FER: variants seen among roughly 807,000 people sequenced by gnomAD.
The protein encoded by FER is tyrosine-protein kinase Fer.
A neutral mutation model predicts 111.0 loss-of-function variants in FER; 63 were observed. The ratio of observed to expected loss-of-function variants is 0.57; its 90% CI spans 0.46 to 0.70. FER has a LOEUF of 0.70. FER is among the 30% of genes least tolerant of loss of function. The pLI, the probability that FER is intolerant of heterozygous loss-of-function variation, is 0.00. For missense variants in FER, 914 were observed against 954.0 expected, an observed-to-expected ratio of 0.96 and a Z score of 0.55; for synonymous variants, 327 against 313.9, an observed-to-expected ratio of 1.04 and a Z score of -0.44.
intron 9 of FER, among the ~76,000 whole-genome samples, chr5:108,889,119 G>A (rs1000712710): frequency 6.6e-6 from 1 of 151,814 alleles, no homozygotes; most frequent in African/African-American, 2.4e-5. Context: ...CCTGAACTCA[G>A]TTAGTGTAAC....
chr5:108,846,218 T>C (rs937690720), intron 5 of FER, among the ~76,000 whole-genome samples: 5 of 152,192 alleles, frequency 3.3e-5, no homozygotes, highest in Non-Finnish European at 5.9e-5. Context: ...TGGATCTGCT[T>C]GTTTTTATTT....
chr5:108,969,170 A>G (rs1391518542), intron 13 of FER, among the ~76,000 whole-genome samples: 2 of 152,192 alleles, frequency 1.3e-5, no homozygotes, highest in African/African-American at 4.8e-5. Flanking sequence ...TGATTCAGCA[A>G]TAACACTTTT....
intron 9 of FER, among the ~76,000 whole-genome samples, chr5:108,884,151 G>T (rs913445812): frequency 6.6e-6 from 1 of 151,962 alleles, no homozygotes; most frequent in Non-Finnish European, 1.5e-5. Context: ...GTGGGTGCTG[G>T]TGTGGTTTTT....
chr5:108,792,623 C>T (rs916807017), intron 2 of FER, among the ~76,000 whole-genome samples: 2 of 151,986 alleles, frequency 1.3e-5, no homozygotes, highest in Non-Finnish European at 2.9e-5. Context: ...AGGTGTGAGC[C>T]ACTGCACCTG....
chr5:108,821,931 G>A (rs970276420), intron 3 of FER, among the ~76,000 whole-genome samples: 2 of 151,950 alleles, frequency 1.3e-5, no homozygotes, highest in Admixed American at 6.6e-5. Context: ...AGTTATCATG[G>A]TGTACATTAG....
At chr5:108,836,724 G>C (rs1760701678) in intron 5 of FER, among the ~76,000 whole-genome samples, 1 of 152,034 alleles carries the variant, frequency 6.6e-6, no homozygotes. Context: ...TGAAAATATT[G>C]TTGTTATTCC....
Position 108,950,752 on chromosome 5 carries a change from TA to T in FER, c.1330-3970del, listed in dbSNP as rs1425003974. Among the ~76,000 whole-genome samples, 5 of 152,180 alleles carry T rather than the reference TA, an allele frequency of 3.3e-5. No homozygotes were observed. In the South Asian group the frequency reaches 6.2e-4, roughly 19 times the overall value. On this transcript the variant is annotated intron_variant, in intron 11 of 19. Coordinates refer to ENST00000281092, the MANE Select transcript of FER (RefSeq NM_005246.4). ...TAAACATTTAGTATATCTGTACAAA[TA>T]AAAAAATTATGTTCAACTATCAAAC...
At chr5:109,015,908 C>A (rs946326718) in intron 13 of FER, among the ~76,000 whole-genome samples, 1 of 151,948 alleles carries the variant, frequency 6.6e-6, no homozygotes, top group African/African-American at 2.4e-5. Context: ...AATGTTTGAA[C>A]CACTATGTCA....
intron 13 of FER, among the ~76,000 whole-genome samples, chr5:109,028,988 C>G (rs922577425): frequency 1.3e-5 from 2 of 152,140 alleles, no homozygotes; most frequent in Admixed American, 6.5e-5. Flanking sequence ...ATGCTAACAA[C>G]CTAGTTCTTC....
intron 17 of FER, among the ~76,000 whole-genome samples, chr5:109,123,733 T>G (rs779488395): frequency 3.3e-5 from 5 of 152,208 alleles, no homozygotes; most frequent in African/African-American, 1.2e-4. Flanking sequence ...TCTTCTTATA[T>G]TATCGATCAG....
At chr5:108,998,996 A>G (rs1286176623) in intron 13 of FER, among the ~76,000 whole-genome samples, 1 of 152,226 alleles carries the variant, frequency 6.6e-6, no homozygotes, top group Non-Finnish European at 1.5e-5. Context: ...ACATGAAAAA[A>G]TACAGAGACT....
intron 17 of FER, among the ~76,000 whole-genome samples, chr5:109,141,508 T>C (rs1280098302): frequency 6.6e-6 from 1 of 152,192 alleles, no homozygotes; most frequent in East Asian, 1.9e-4. Context: ...CACAGATAGA[T>C]GTAGTAACAA....
intron 13 of FER, among the ~76,000 whole-genome samples, chr5:108,977,762 C>G (rs908709686): frequency 6.6e-6 from 1 of 152,182 alleles, no homozygotes; most frequent in African/African-American, 2.4e-5. Flanking sequence ...AGATTTGTTA[C>G]CTGCTCTATT....
At chr5:108,824,636 A>G (rs1373417930) in intron 3 of FER, among the ~76,000 whole-genome samples, 2 of 151,996 alleles carry the variant, frequency 1.3e-5, no homozygotes, top group African/African-American at 4.8e-5. Context: ...TTGTTTTTAT[A>G]CTCCTGGCAG....
At position 109,067,424 on chromosome 5, in the gene FER, A is replaced by G. The variant is rs559017094; in HGVS notation, c.1924+20226A>G. On this transcript the variant is annotated intron_variant, in intron 16 of 19. Coordinates refer to ENST00000281092, the MANE Select transcript of FER (RefSeq NM_005246.4). ...TTATTGTTGTTATTTTTGTTTGTTT[A>G]GTTCTGTTTTTATCCTTCCAGAGCT... 6.6e-5 allele frequency among the ~76,000 whole-genome samples: 10 copies of G among 152,050 alleles called. No homozygotes were observed. The South Asian group carries it at 1.9e-3, about 28-fold the overall frequency.
chr5:109,099,199 A>G (rs1382800715), intron 16 of FER, among the ~76,000 whole-genome samples: 2 of 151,592 alleles, frequency 1.3e-5, no homozygotes, highest in Admixed American at 6.6e-5. Context: ...AATAAACTAT[A>G]AAGTAACTAA....
chr5:109,045,258 T>C (rs575012623), intron 15 of FER, among the ~76,000 whole-genome samples: 1 of 149,044 alleles, frequency 6.7e-6, no homozygotes, highest in East Asian at 1.9e-4. Flanking sequence ...AACTTACATA[T>C]ACATTTAAGT....
At chr5:109,051,388 A>G (rs1298319857) in intron 16 of FER, 6 of 1,612,596 alleles carry the variant, frequency 3.7e-6, no homozygotes, top group East Asian at 2.2e-5. Context: ...CTGGTCCACA[A>G]TGGCTAGTGG....
At chr5:108,913,659 T>G (rs1380364966) in intron 10 of FER, among the ~76,000 whole-genome samples, 1 of 152,194 alleles carries the variant, frequency 6.6e-6, no homozygotes, top group Non-Finnish European at 1.5e-5. Flanking sequence ...CCTGGATATA[T>G]ACTCAATAGA....
Sources: gnomAD v4.1 joint callset for allele counts (sites outside exome capture counted in the v4.1 genomes callset) on GRCh38, gnomAD v4.1.1 for gene constraint, MANE v1.5 for transcripts, NCBI Gene and HGNC (gene_info 2026-07-23, HGNC 2026-07-21) for gene names.